Variants in RNF213 observed in about 807,000 individuals in gnomAD.
The protein encoded by RNF213 is ring finger protein 213.
A neutral mutation model predicts 514.4 loss-of-function variants in RNF213; 341 were observed. The ratio of observed to expected loss-of-function variants is 0.66; its 90% CI spans 0.61 to 0.73. The LOEUF is 0.73. Ranked by LOEUF, RNF213 falls within the 30% of genes least tolerant of loss-of-function variation. The pLI is 0.00. For synonymous variants in RNF213, 2,655 were observed against 2,658.2 expected (o/e 1.00, Z 0.04); for missense variants, 5,767 against 6,615.6 (o/e 0.87, Z 4.45).
intron 46 of RNF213, among the ~76,000 whole-genome samples, chr17:80,370,637 C>T (rs2079480992): frequency 1.3e-5 from 2 of 152,298 alleles, no homozygotes; most frequent in African/African-American, 4.8e-5. Context: ...GACTTTTCAA[C>T]GTTTTGTGGA....
chr17:80,360,482 A>G (rs527729816), intron 38 of RNF213: 2 of 462,768 alleles, frequency 4.3e-6, no homozygotes, highest in East Asian at 4.4e-5. Context: ...GGCCAGGGAT[A>G]TGGCGAAATG....
rs1028552417 is a variant in RNF213, at chr17:80,291,965, C to T, written c.1471+138C>T. Reference sequence around the variant, plus strand: ...TCTTTGCTCTGCATTGACCCCGCCCCAGCCTCCAGGTTCAGTGACACTGAC... The same window carrying T: ...TCTTTGCTCTGCATTGACCCCGCCCTAGCCTCCAGGTTCAGTGACACTGAC... On this transcript the variant is annotated intron_variant, in intron 8 of 67. Coordinates refer to ENST00000582970, the MANE Select transcript of RNF213 (RefSeq NM_001256071.3). 3.4e-6 allele frequency: 3 copies of T among 878,668 alleles called. No individual in the cohort carries two copies. In the South Asian group the frequency reaches 4.2e-5, roughly 12 times the overall value. 54.4% of individuals were successfully genotyped at this position (878,668 alleles called of 1,614,324 possible).
chr17:80,323,146 A>G (rs1019187000), intron 17 of RNF213, among the ~76,000 whole-genome samples: 2 of 152,200 alleles, frequency 1.3e-5, no homozygotes, highest in Non-Finnish European at 2.9e-5. Flanking sequence ...AAAGGACTCT[A>G]CATTCCCTGT....
At chr17:80,384,881 A>G in intron 59 of RNF213, 158 bp from the exon 60 acceptor site, 1 of 793,962 alleles carries the variant, frequency 1.3e-6, no homozygotes, top group Non-Finnish European at 2.1e-6. Context: ...TGTGGGAAGA[A>G]CTTTTCCCGT....
In RNF213 at chr17:80,345,781, C is replaced by T; in HGVS notation, c.7446C>T (p.Thr2482=). 1 of 1,614,162 alleles carries T rather than the reference C, an allele frequency of 6.2e-7. No individual in the cohort carries two copies. Among genetic ancestry groups the T allele is most frequent in the Non-Finnish European group, 8.5e-7 (1 of 1,180,036 alleles). The change falls in exon 29 of 68, where the codon ACC becomes ACT. Residue 2482 remains threonine, a synonymous_variant. Transcript: ENST00000582970. The surrounding 1 kb of genome is among the most constrained non-coding windows in gnomAD (Gnocchi z 6.0). ...ATAAGGACCAACATCAGTTGGACAC[C>T]ATCTTGTTTTTTGATGAAGCCAACA... The part of the protein sequence containing the change: ...FANKDQHQLD[T]ILFFDEANTT...
chr17:80,319,462 C>G, intron 17 of RNF213, 150 bp downstream of exon 17: 14 of 1,614,196 alleles, frequency 8.7e-6, no homozygotes, highest in Non-Finnish European at 1.0e-5. Context: ...TCGCCAAGGG[C>G]AATGGCGCTG....
rs1322159590 is a variant in RNF213, at chr17:80,334,208, A to G, written c.4247A>G (p.Lys1416Arg). 1 of 1,537,226 alleles carries G rather than the reference A, an allele frequency of 6.5e-7. No homozygotes were observed. Among genetic ancestry groups the G allele is most frequent in the African/African-American group, 1.4e-5 (1 of 73,150 alleles). ...LLQDISEARC[K>R]GLQALSLRKE... is the part of the protein sequence containing the mutation. ...CAGGACATCAGCGAGGCCCGGTGCA[A>G]GGGGCTGCAGGCTCTGTCCCTGAGA... Residue 1416 changes from lysine (K) to arginine (R), a missense_variant, in exon 22 of 68, where the codon AAG becomes AGG. By Grantham distance (26) the Lys-to-Arg change is conservative. This residue lies in a region of RNF213 where 516 missense variants were observed against 566.5 expected (regional missense o/e 0.91). Coordinates refer to ENST00000582970, the MANE Select transcript of RNF213 (RefSeq NM_001256071.3).
chr17:80,392,326 A>C (rs2080507510), intron 67 of RNF213, among the ~76,000 whole-genome samples: 1 of 152,206 alleles, frequency 6.6e-6, no homozygotes, highest in African/African-American at 2.4e-5. Context: ...CCTTTCCTAG[A>C]GAATTTCCAG....
In RNF213 at chr17:80,389,285, C is replaced by A. The variant is rs1221206203; in HGVS notation, c.15113C>A (p.Ala5038Asp). The A allele has an allele frequency of 1.2e-6, 2 of 1,614,088 alleles. No homozygotes were observed. The highest frequency in any genetic ancestry group is 1.3e-5 in the African/African-American group (1 of 74,928). Residue 5038 changes from alanine (A) to aspartate (D), a missense_variant, in exon 65 of 68, where the codon GCT (alanine) becomes GAT (aspartate). Ala to Asp is a moderately radical substitution (Grantham distance 126). Coordinates refer to ENST00000582970, the MANE Select transcript of RNF213 (RefSeq NM_001256071.3). ...GTCACTCTGGGGTTTCTGAGCACAG[C>A]TGGTGGGGATCCAAACATGCAGCTG... ...VEVTLGFLSTAGGDPNMQLNV... is the reference protein window; with the variant it reads ...VEVTLGFLSTDGGDPNMQLNV...
At chr17:80,371,009 A>T (rs1568148101) in intron 46 of RNF213, among the ~76,000 whole-genome samples, 2 of 151,094 alleles carry the variant, frequency 1.3e-5, no homozygotes, top group East Asian at 3.9e-4. Context: ...ATGAATATGG[A>T]TTTTTTTTTT....
chr17:80,379,793 A>G, intron 55 of RNF213, 79 bp downstream of exon 55: 1 of 1,144,180 alleles, frequency 8.7e-7, no homozygotes, highest in Non-Finnish European at 1.3e-6. Flanking sequence ...TGATAAAGTG[A>G]TACTCAAGAT....
chr17:80,343,028 G>A lies in RNF213; in HGVS notation c.5990-104G>A. 4.3e-6 allele frequency: 4 copies of A among 929,294 alleles called. No individual in the cohort carries two copies. Among genetic ancestry groups the A allele is most frequent in the Non-Finnish European group, 6.9e-6 (4 of 577,862 alleles). 57.6% of individuals were successfully genotyped at this position (929,294 alleles called of 1,614,324 possible). A position where few individuals can be genotyped will look rare whatever the true frequency, so the allele number is the denominator to read the frequency against. ...TCACCACGTTGACCAGGCTGGCTTT[G>A]AACTCCTGACCTCAAGTGATCCCCC... On this transcript the variant is annotated intron_variant, in intron 26 of 67. Coordinates refer to ENST00000582970, the MANE Select transcript of RNF213 (RefSeq NM_001256071.3). The surrounding 1 kb of genome is among the most constrained non-coding windows in gnomAD (Gnocchi z 4.3).
At chr17:80,320,503 TG>T (rs1477046538) in intron 17 of RNF213, 1 of 152,188 alleles carries the variant, frequency 6.6e-6, no homozygotes, top group Non-Finnish European at 1.5e-5. Flanking sequence ...AGCTACTTTT[TG>T]TTTAAAGAGT....
Position 80,347,823 on chromosome 17 carries a change from T to C in RNF213, c.9488T>C (p.Ile3163Thr). ...GACGTCGTGTACAAACACTTTCCCA[T>C]CCCCCTCATTAACCGGCTGGAGAAG... The part of the protein sequence containing the change: ...EKDVVYKHFP[I>T]PLINRLEKHY... Residue 3163 changes from isoleucine to threonine, a missense_variant, in exon 29 of 68, where the codon ATC becomes ACC. Coordinates refer to ENST00000582970, the MANE Select transcript of RNF213 (RefSeq NM_001256071.3). This position sits in a 1 kb window ranked among gnomAD's most constrained non-coding sequence, Gnocchi z 7.2. 6.2e-7 allele frequency: 1 copy of C among 1,613,984 alleles called. No homozygotes were observed. Among genetic ancestry groups the C allele is most frequent in the South Asian group, 1.1e-5 (1 of 91,064 alleles).
chr17:80,268,940 C>A (rs1480327469), intron 2 of RNF213, among the ~76,000 whole-genome samples: 1 of 152,246 alleles, frequency 6.6e-6, no homozygotes, highest in Non-Finnish European at 1.5e-5. Context: ...GCAGGGAAGC[C>A]GACAGTGTAG....
rs374262786 is a variant in RNF213 at position 80,373,090 on chromosome 17, G to T, written c.12867G>T (p.Met4289Ile). 2.5e-6 allele frequency: 4 copies of T among 1,613,788 alleles called. No individual in the cohort carries two copies. The East Asian group carries it at 8.9e-5, about 36-fold the overall frequency. The change falls in exon 49 of 68, where the codon ATG becomes ATT. Residue 4289 changes from methionine to isoleucine, a missense_variant. By Grantham distance (10) the Met-to-Ile change is conservative. Coordinates refer to ENST00000582970, the MANE Select transcript of RNF213 (RefSeq NM_001256071.3). ...GGAAGCTCAGCAGCCAGCGGGGGAT[G>T]GAGTTCGTGCAGGGCCTCTCCAAGC... is the stretch of plus-strand genomic sequence containing the variant. ...LVRKLSSQRG[M>I]EFVQGLSKPG... is the part of the protein sequence containing the mutation.
rs201620985 is a variant in RNF213, at chr17:80,287,905, T to C, written c.352T>C (p.Cys118Arg). The change falls in exon 4 of 68, where the codon TGT becomes CGT. Residue 118 changes from cysteine to arginine, a missense_variant. Physicochemically the swap from Cys to Arg is radical, Grantham distance 180. Transcript: ENST00000582970. ...CTTGCCCCTTTCTCCTGCCAGCCCC[T>C]GTCACCTGACTTTGCTTTCAAACCC... ...ASLPLSPASP[C>R]HLTLLSNPWP... The C allele has an allele frequency of 1.4e-3, 2,197 of 1,577,388 alleles. 11 individuals carry two copies. The highest frequency in any genetic ancestry group is 8.9e-4 in the Non-Finnish European group (1,035 of 1,161,612).
At chr17:80,272,909 G>A (rs946383450) in intron 2 of RNF213, among the ~76,000 whole-genome samples, 4 of 152,292 alleles carry the variant, frequency 2.6e-5, no homozygotes, top group Admixed American at 2.6e-4. Context: ...AGCGTAACAG[G>A]CTCTGTTTTA....
chr17:80,346,123 G>T lies in RNF213; in HGVS notation c.7788G>T (p.Gln2596His). 6.2e-7 allele frequency: 1 copy of T among 1,614,192 alleles called. No individual in the cohort carries two copies. ...TTGCTGAAAAGCTCTACATCCAGCAGATTGTCCAGAGACTGGTTGAGTCCA... is the reference window on the plus strand; with the variant it reads ...TTGCTGAAAAGCTCTACATCCAGCATATTGTCCAGAGACTGGTTGAGTCCA... The part of the protein sequence containing the change: ...SDVAEKLYIQ[Q>H]IVQRLVESIS... The change falls in exon 29 of 68, where the codon CAG (glutamine) becomes CAT (histidine). Residue 2596 changes from glutamine to histidine, a missense_variant. Gln to His is a conservative substitution (Grantham distance 24). This residue lies in a region of RNF213 where 1,377 missense variants were observed against 1,635.2 expected (regional missense o/e 0.84). Transcript: ENST00000582970. The surrounding 1 kb of genome is among the most constrained non-coding windows in gnomAD (Gnocchi z 8.1).
Sources: allele counts gnomAD v4.1 joint callset (sites outside exome capture counted in the v4.1 genomes callset), GRCh38; gene constraint gnomAD v4.1.1; regional missense constraint gnomAD v4.1.1; non-coding constraint Gnocchi (gnomAD v3.1); transcripts MANE v1.5; gene names NCBI Gene and HGNC (gene_info 2026-07-23, HGNC 2026-07-21).